The following BRINP1 variants were observed in gnomAD, a reference collection of about 807,000 sequenced individuals.
BRINP1 encodes the protein BMP/retinoic acid-inducible neural-specific protein 1.
Under a neutral mutation model 72.9 loss-of-function variants are expected in BRINP1, and 17 were observed. The ratio of observed to expected loss-of-function variants is 0.23; its 90% CI spans 0.16 to 0.35. The LOEUF (loss-of-function observed/expected upper bound fraction) is 0.35. BRINP1 is among the 10% of genes least tolerant of loss of function. The pLI is 1.00. For missense variants in BRINP1, 850 were observed against 1,001.6 expected, an observed-to-expected ratio of 0.85 and a Z score of 2.04; for synonymous variants, 418 against 378.5, an observed-to-expected ratio of 1.10 and a Z score of -1.21.
chr9:119,231,501 A>C (rs1433645939), intron 5 of BRINP1, among the ~76,000 whole-genome samples: 1 of 152,114 alleles, frequency 6.6e-6, no homozygotes, highest in Non-Finnish European at 1.5e-5. Flanking sequence ...GATCACCTTA[A>C]GCTATTGTGC....
intron 5 of BRINP1, among the ~76,000 whole-genome samples, chr9:119,217,124 C>T (rs979355804): frequency 1.3e-5 from 2 of 152,180 alleles, no homozygotes; most frequent in Admixed American, 6.5e-5. Flanking sequence ...CAGACAGAGT[C>T]GTCTCCTGAT....
At chr9:119,177,970 AAG>A (rs1829508263) in intron 7 of BRINP1, among the ~76,000 whole-genome samples, 1 of 152,132 alleles carries the variant, frequency 6.6e-6, no homozygotes, top group Non-Finnish European at 1.5e-5. Flanking sequence ...GGCTGAGGGA[AAG>A]AGGAAAGAAA....
intron 2 of BRINP1, among the ~76,000 whole-genome samples, chr9:119,289,003 T>C (rs1476026461): frequency 2.6e-5 from 4 of 152,230 alleles, no homozygotes; most frequent in Non-Finnish European, 5.9e-5. Flanking sequence ...TTTCACCATG[T>C]TGGTCAGGCT....
chr9:119,203,918 C>T (rs2118865807), intron 7 of BRINP1, among the ~76,000 whole-genome samples: 1 of 152,288 alleles, frequency 6.6e-6, no homozygotes, highest in East Asian at 1.9e-4. Flanking sequence ...CCTCCCAATA[C>T]TCACACCCTT....
chr9:119,245,149 G>T (rs1391774823), intron 3 of BRINP1, among the ~76,000 whole-genome samples: 1 of 152,022 alleles, frequency 6.6e-6, no homozygotes, highest in Non-Finnish European at 1.5e-5. Flanking sequence ...TGTATAAAAA[G>T]ACATCCATGC....
In BRINP1 at chr9:119,214,031, G is replaced by A. The variant is rs61730119; in HGVS notation, c.810C>T (p.Ala270=). The A allele has an allele frequency of 1.2e-3, 1,905 of 1,614,060 alleles. 18 individuals are homozygous for A. The African/African-American group carries it at 0.021, about 18-fold the overall frequency. The change falls in exon 6 of 8, where the codon GCC becomes GCT. Residue 270 remains alanine (A), a synonymous_variant. Transcript: ENST00000265922. ...CQNSQCRCQC[A]EEFPQCNCPI... is the part of the protein sequence containing the mutation. ...GGCAGTTGCACTGCGGAAACTCCTC[G>A]GCACATTGGCAGCGACACTGGCTGT...
chr9:119,306,486 T>C (rs1443085381), intron 2 of BRINP1, among the ~76,000 whole-genome samples: 1 of 152,146 alleles, frequency 6.6e-6, no homozygotes, highest in African/African-American at 2.4e-5. Context: ...TGTCAGCCTT[T>C]AAATGGCTGA....
intron 7 of BRINP1, among the ~76,000 whole-genome samples, chr9:119,181,397 T>A (rs1829556166): frequency 6.6e-6 from 1 of 152,166 alleles, no homozygotes. Context: ...GCTCTACCCC[T>A]ATTTGACCTT....
In BRINP1 at chr9:119,208,961, G is replaced by A. The variant is rs189192986; in HGVS notation, c.923-20C>T. 250 of 1,592,116 alleles carry A rather than the reference G, an allele frequency of 1.6e-4. 2 individuals carry two copies. The highest frequency in any genetic ancestry group is 1.8e-4 in the Non-Finnish European group (207 of 1,160,228). On this transcript the variant is annotated intron_variant, in intron 6 of 7. Coordinates refer to ENST00000265922, the MANE Select transcript of BRINP1 (RefSeq NM_014618.3). ...ACTCATCTAGTGAGAGACAAAGGCCGAGAGAGAAGGGCTAAGCATGATAAC... is the reference window on the plus strand; with the variant it reads ...ACTCATCTAGTGAGAGACAAAGGCCAAGAGAGAAGGGCTAAGCATGATAAC...
chr9:119,166,682 G>T lies in BRINP1; in HGVS notation c.*402C>A, dbSNP rs1449797537. ...TATCTATGTCCATTTCCTCCAAAAA[G>T]GAAAAATGGCAGTGTCAGTTGTACA... On this transcript the variant is annotated 3_prime_UTR_variant, in exon 8 of 8. Transcript: ENST00000265922. The T allele has an allele frequency of 6.4e-6, 1 of 157,230 alleles. No homozygotes were observed. The highest frequency in any genetic ancestry group is 1.4e-5 in the Non-Finnish European group (1 of 71,454). The allele number at this position is 157,230 out of a possible 1,614,324, so 9.7% of individuals were successfully genotyped here.
chr9:119,341,825 G>A (rs897785752), intron 1 of BRINP1, among the ~76,000 whole-genome samples: 6 of 152,108 alleles, frequency 3.9e-5, no homozygotes, highest in African/African-American at 1.4e-4. Context: ...GTGCAGTGGC[G>A]TGATCTCGGC....
chr9:119,257,677 G>C (rs898938616), intron 2 of BRINP1, among the ~76,000 whole-genome samples: 6 of 152,172 alleles, frequency 3.9e-5, no homozygotes, highest in African/African-American at 1.4e-4. Context: ...TATCCCCAGA[G>C]GTGAACAAGG....
intron 7 of BRINP1, among the ~76,000 whole-genome samples, chr9:119,206,809 G>A (rs1157839052): frequency 3.3e-5 from 5 of 152,150 alleles, no homozygotes; most frequent in Non-Finnish European, 5.9e-5. Flanking sequence ...ATGTGTGATG[G>A]ATCTAAAAGG....
chr9:119,243,295 C>T (rs1830277341), intron 3 of BRINP1, among the ~76,000 whole-genome samples: 1 of 152,110 alleles, frequency 6.6e-6, no homozygotes, highest in Non-Finnish European at 1.5e-5. Flanking sequence ...TAAGTGAGAA[C>T]ATGTGGTGTT....
intron 7 of BRINP1, among the ~76,000 whole-genome samples, chr9:119,179,506 G>A (rs948307073): frequency 1.3e-5 from 2 of 152,164 alleles, no homozygotes; most frequent in African/African-American, 4.8e-5. Context: ...GAAACCTTGG[G>A]AATGTTCTTC....
At chr9:119,240,827 C>T (rs1474750247) in intron 4 of BRINP1, among the ~76,000 whole-genome samples, 1 of 152,134 alleles carries the variant, frequency 6.6e-6, no homozygotes, top group Non-Finnish European at 1.5e-5. Flanking sequence ...TGGCCTTATC[C>T]TCACCGTTTT....
At chr9:119,168,366 G>T (rs150573785) in intron 7 of BRINP1, 142 bp from the exon 8 acceptor site, 2 of 603,770 alleles carry the variant, frequency 3.3e-6, no homozygotes, top group Non-Finnish European at 5.4e-6. Flanking sequence ...GAAGGGCATC[G>T]AATATAAACG....
intron 1 of BRINP1, among the ~76,000 whole-genome samples, chr9:119,326,400 T>C (rs1441161354): frequency 6.6e-6 from 1 of 152,230 alleles, no homozygotes; most frequent in Non-Finnish European, 1.5e-5. Flanking sequence ...CTCCTAGAAA[T>C]AGTGAATCTA....
chr9:119,360,304 T>C (rs985035945), intron 1 of BRINP1, among the ~76,000 whole-genome samples: 6 of 152,236 alleles, frequency 3.9e-5, no homozygotes, highest in African/African-American at 1.4e-4. Context: ...GATTTTCTTT[T>C]CTAATGGCCC....
Sources: gnomAD v4.1 joint callset for allele counts (sites outside exome capture counted in the v4.1 genomes callset) on GRCh38, gnomAD v4.1.1 for gene constraint, MANE v1.5 for transcripts, NCBI Gene and HGNC (gene_info 2026-07-23, HGNC 2026-07-21) for gene names.